Variants in FLT1 observed in about 807,000 individuals in gnomAD.
The protein encoded by FLT1 is vascular endothelial growth factor receptor 1.
FLT1 carries 49 observed loss-of-function variants against 156.3 expected under a neutral mutation model. That is an observed-to-expected ratio of 0.31 (90% CI 0.25 to 0.40). The LOEUF (loss-of-function observed/expected upper bound fraction) is 0.40. FLT1 is among the 10% of genes least tolerant of loss of function. FLT1 has a pLI of 1.00. For synonymous variants in FLT1, 594 were observed against 583.8 expected, an observed-to-expected ratio of 1.02 and a Z score of -0.25; for missense variants, 1,322 against 1,637.2, an observed-to-expected ratio of 0.81 and a Z score of 3.32.
chr13:28,345,285 T>C (rs1872522322), intron 16 of FLT1, among the ~76,000 whole-genome samples, 160 bp downstream of exon 16: 2 of 152,184 alleles, frequency 1.3e-5, no homozygotes, highest in Admixed American at 6.5e-5. Flanking sequence ...TAGAGACATT[T>C]TGATGATTTA....
intron 12 of FLT1, 116 bp downstream of exon 12, chr13:28,396,844 A>G: frequency 1.4e-6 from 1 of 729,026 alleles, no homozygotes; most frequent in South Asian, 1.5e-5. Context: ...TCAAAGTTTG[A>G]CAATTCTATG....
chr13:28,350,769 A>G (rs77950983), intron 15 of FLT1, among the ~76,000 whole-genome samples: 2,362 of 152,242 alleles, frequency 0.016, 55 homozygotes, highest in African/African-American at 0.053. Context: ...TCTGTGCCCC[A>G]GTTTCCTCAT....
chr13:28,355,989 C>T (rs747596647), intron 15 of FLT1, among the ~76,000 whole-genome samples: 8 of 152,204 alleles, frequency 5.3e-5, no homozygotes, highest in South Asian at 2.1e-4. Flanking sequence ...GCAAAAACGT[C>T]ACTGCTTCAT....
At chr13:28,321,322 G>T in intron 23 of FLT1, 141 bp downstream of exon 23, 3 of 1,022,774 alleles carry the variant, frequency 2.9e-6, no homozygotes, top group Non-Finnish European at 4.5e-6. Flanking sequence ...CTGGGATGCC[G>T]CTCATCTGGA....
chr13:28,342,328 C>G (rs750381503), intron 16 of FLT1, among the ~76,000 whole-genome samples: 1 of 152,176 alleles, frequency 6.6e-6, no homozygotes, highest in Non-Finnish European at 1.5e-5. Flanking sequence ...TCAAGCCTTG[C>G]TTTCTCGGAA....
intron 3 of FLT1, 117 bp from the exon 4 acceptor site, chr13:28,438,462 T>A: frequency 1.3e-6 from 1 of 782,348 alleles, no homozygotes; most frequent in Non-Finnish European, 2.2e-6. Context: ...TCTCCCTTAA[T>A]GTAATCCATA....
intron 3 of FLT1, among the ~76,000 whole-genome samples, chr13:28,447,770 CATATATA>C (rs1423929504): frequency 6.6e-6 from 1 of 150,896 alleles, no homozygotes; most frequent in Non-Finnish European, 1.5e-5. Context: ...TTAAAATCTA[CATATATA>C]ATATATAAAC....
At chr13:28,459,728 G>A (rs955440566) in intron 3 of FLT1, among the ~76,000 whole-genome samples, 1 of 152,202 alleles carries the variant, frequency 6.6e-6, no homozygotes, top group African/African-American at 2.4e-5. Context: ...TTTTCCCTTG[G>A]AGGAGAATTT....
In FLT1 at chr13:28,322,690, G is replaced by A. The variant is rs769571799; in HGVS notation, c.2953+100C>T. The A allele has an allele frequency of 8.7e-5, 90 of 1,036,470 alleles. 1 individual carries two copies. Among genetic ancestry groups the A allele is most frequent in the Non-Finnish European group, 1.1e-4 (76 of 662,924 alleles). The allele number at this position is 1,036,470 out of a possible 1,614,324, so 64.2% of individuals were successfully genotyped here. On this transcript the variant is annotated intron_variant, in intron 21 of 29. Coordinates refer to ENST00000282397, the MANE Select transcript of FLT1 (RefSeq NM_002019.4). The surrounding 1 kb of genome is among the most constrained non-coding windows in gnomAD (Gnocchi z 4.3). ...GGACATTACCATTCGAGTCTCCCAC[G>A]GATGTTTATTAGAGTGATAAATAAG...
intron 14 of FLT1, among the ~76,000 whole-genome samples, chr13:28,381,616 C>A (rs765194294): frequency 1.3e-5 from 2 of 152,138 alleles, no homozygotes; most frequent in Non-Finnish European, 2.9e-5. Context: ...TTACCAATTT[C>A]TTTCACAAGC....
At chr13:28,311,261 T>C (rs1186101782) in intron 27 of FLT1, among the ~76,000 whole-genome samples, 1 of 152,314 alleles carries the variant, frequency 6.6e-6, no homozygotes, top group East Asian at 1.9e-4. Context: ...CCAGCAACAA[T>C]AGCCTTCTTC....
In FLT1 at chr13:28,302,092, T is replaced by A. The variant is rs1038229066; in HGVS notation, c.*1075A>T. ...GAGACGGGGTTTTCCCTTGACCTTA[T>A]TGACCTTTTTCCTCCATCAGCCCTC... On this transcript the variant is annotated 3_prime_UTR_variant, in exon 30 of 30. Coordinates refer to ENST00000282397, the MANE Select transcript of FLT1 (RefSeq NM_002019.4). 21 of 233,134 alleles carry A rather than the reference T, an allele frequency of 9.0e-5. No individual in the cohort carries two copies. The highest frequency in any genetic ancestry group is 4.4e-4 in the African/African-American group (20 of 45,262). The allele number at this position is 233,134 out of a possible 1,614,324, so 14.4% of individuals were successfully genotyped here. A position where few individuals can be genotyped will look rare whatever the true frequency, so the allele number is the denominator to read the frequency against.
chr13:28,430,915 A>G (rs1254096991), intron 7 of FLT1, among the ~76,000 whole-genome samples: 1 of 152,242 alleles, frequency 6.6e-6, no homozygotes, highest in Non-Finnish European at 1.5e-5. Context: ...CATAATAAGC[A>G]TCTAAAGAAA....
At chr13:28,374,619 C>T (rs1593720093) in intron 14 of FLT1, among the ~76,000 whole-genome samples, 1 of 151,854 alleles carries the variant, frequency 6.6e-6, no homozygotes, top group East Asian at 1.9e-4. Flanking sequence ...TCATGCCATT[C>T]TCCTGCCTCA....
At chr13:28,431,942 C>G (rs1190385882) in intron 6 of FLT1, among the ~76,000 whole-genome samples, 2 of 151,890 alleles carry the variant, frequency 1.3e-5, no homozygotes, top group African/African-American at 4.8e-5. Flanking sequence ...CAGTGCTTGC[C>G]CATGTCAGCT....
At chr13:28,493,519 TTTGTTGTTG>T (rs376578526) in intron 1 of FLT1, among the ~76,000 whole-genome samples, 1 of 151,936 alleles carries the variant, frequency 6.6e-6, no homozygotes, top group Admixed American at 6.6e-5. Context: ...TAACAAGCTT[TTTGTTGTTG>T]TTGTTGTTGT....
rs57419092 is a variant in FLT1, at chr13:28,300,521, C to CCACACACACA, written c.*2636_*2645dup. 279 of 225,618 alleles carry CCACACACACA rather than the reference C, an allele frequency of 1.2e-3. No individual in the cohort carries two copies. Among genetic ancestry groups the CCACACACACA allele is most frequent in the African/African-American group, 5.9e-3 (251 of 42,856 alleles). The allele number at this position is 225,618 out of a possible 1,614,324, so 14.0% of individuals were successfully genotyped here. On this transcript the variant is annotated 3_prime_UTR_variant, in exon 30 of 30. Coordinates refer to ENST00000282397, the MANE Select transcript of FLT1 (RefSeq NM_002019.4). ...AGTTATGCACAAAACACACATACAC[C>CCACACACACA]CACACACACACACACACACACACAC...
intron 3 of FLT1, among the ~76,000 whole-genome samples, chr13:28,443,548 C>T (rs1878448731): frequency 6.6e-6 from 1 of 152,142 alleles, no homozygotes; most frequent in Non-Finnish European, 1.5e-5. Context: ...CAAAGTTTTT[C>T]CTGGTTGCCT....
At chr13:28,323,187 T>A (rs1017513408) in intron 20 of FLT1, among the ~76,000 whole-genome samples, 3 of 150,900 alleles carry the variant, frequency 2.0e-5, no homozygotes, top group Admixed American at 6.6e-5. Context: ...AAAAAAAAAA[T>A]TAAGAGTGGT....
Sources: allele counts gnomAD v4.1 joint callset (sites outside exome capture counted in the v4.1 genomes callset), GRCh38; gene constraint gnomAD v4.1.1; non-coding constraint Gnocchi (gnomAD v3.1); transcripts MANE v1.5; gene names NCBI Gene and HGNC (gene_info 2026-07-23, HGNC 2026-07-21).